KIAA1328: variants seen among roughly 807,000 people sequenced by gnomAD.
KIAA1328 encodes protein hinderin.
Under a neutral mutation model 68.1 loss-of-function variants are expected in KIAA1328, and 52 were observed. That is an observed-to-expected ratio of 0.76 (90% CI 0.61 to 0.96). KIAA1328 has a LOEUF of 0.96. Ranked by LOEUF, KIAA1328 falls within the 40% of genes least tolerant of loss-of-function variation. The pLI, the probability that KIAA1328 is intolerant of heterozygous loss-of-function variation, is 0.00. For synonymous variants in KIAA1328, 232 were observed against 239.4 expected (o/e 0.97, Z 0.28); for missense variants, 641 against 677.6 (o/e 0.95, Z 0.60).
At chr18:37,190,058 T>C (rs1193240015) in intron 9 of KIAA1328, among the ~76,000 whole-genome samples, 1 of 152,320 alleles carries the variant, frequency 6.6e-6, no homozygotes, top group East Asian at 1.9e-4. Context: ...GCAAAAACTC[T>C]TCCTTATGTT....
At chr18:36,972,084 G>T (rs1371573031) in intron 6 of KIAA1328, among the ~76,000 whole-genome samples, 2 of 152,104 alleles carry the variant, frequency 1.3e-5, no homozygotes, top group Admixed American at 6.5e-5. Context: ...TTAATCAGTG[G>T]AACAAAATTG....
chr18:36,956,772 A>G (rs1196206726), intron 5 of KIAA1328, among the ~76,000 whole-genome samples: 1 of 152,156 alleles, frequency 6.6e-6, no homozygotes, highest in Non-Finnish European at 1.5e-5. Flanking sequence ...CTACTATAAA[A>G]ATTACTGCCT....
intron 7 of KIAA1328, among the ~76,000 whole-genome samples, chr18:37,094,501 A>G (rs1191867215): frequency 6.6e-6 from 1 of 152,222 alleles, no homozygotes; most frequent in Non-Finnish European, 1.5e-5. Context: ...GGAGTTCTAC[A>G]TCTAGAAGTG....
intron 6 of KIAA1328, among the ~76,000 whole-genome samples, chr18:37,052,324 G>T (rs1257224949): frequency 6.6e-6 from 1 of 151,952 alleles, no homozygotes; most frequent in African/African-American, 2.4e-5. Context: ...AACAAACTAG[G>T]TGTTAAAGAA....
chr18:36,860,776 G>A (rs992887397), intron 4 of KIAA1328, among the ~76,000 whole-genome samples: 6 of 152,044 alleles, frequency 3.9e-5, no homozygotes, highest in South Asian at 2.1e-4. Context: ...ACTGCTAAGC[G>A]TTTTGGCAGA....
At chr18:37,112,189 G>A (rs969143907) in intron 7 of KIAA1328, among the ~76,000 whole-genome samples, 5 of 152,170 alleles carry the variant, frequency 3.3e-5, no homozygotes, top group African/African-American at 4.8e-5. Context: ...CTCCCAGCAC[G>A]GAGTTTGAGA....
At chr18:36,969,373 A>C (rs147972503) in intron 6 of KIAA1328, among the ~76,000 whole-genome samples, 1 of 152,278 alleles carries the variant, frequency 6.6e-6, no homozygotes, top group Non-Finnish European at 1.5e-5. Context: ...AAAATTAATA[A>C]GCTGGATAAA....
At chr18:37,082,670 G>A (rs541036884) in intron 7 of KIAA1328, among the ~76,000 whole-genome samples, 22 of 152,258 alleles carry the variant, frequency 1.4e-4, no homozygotes, top group Middle Eastern at 3.4e-3. Flanking sequence ...CATGACATTG[G>A]CATTTACTTA....
At chr18:37,164,979 C>T (rs1331605464) in intron 8 of KIAA1328, among the ~76,000 whole-genome samples, 1 of 152,104 alleles carries the variant, frequency 6.6e-6, no homozygotes, top group Non-Finnish European at 1.5e-5. Context: ...CTTTTCTAGT[C>T]AATCCTCCTG....
intron 6 of KIAA1328, among the ~76,000 whole-genome samples, chr18:37,025,658 T>A (rs75894292): frequency 5.9e-5 from 9 of 151,982 alleles, no homozygotes; most frequent in Admixed American, 2.0e-4. Context: ...AGAAATAAAG[T>A]TGTTCTTTGA....
At chr18:36,993,653 A>G (rs1288941639) in intron 6 of KIAA1328, among the ~76,000 whole-genome samples, 2 of 152,228 alleles carry the variant, frequency 1.3e-5, no homozygotes, top group Non-Finnish European at 2.9e-5. Flanking sequence ...ACATATAAAG[A>G]CATAACTATA....
chr18:37,123,823 T>TAC (rs748822304), intron 7 of KIAA1328, among the ~76,000 whole-genome samples: 6 of 152,156 alleles, frequency 3.9e-5, no homozygotes, highest in African/African-American at 1.4e-4. Flanking sequence ...TTATTTAAAA[T>TAC]ACACACACAC....
At chr18:37,188,527 G>A (rs1599548817) in intron 9 of KIAA1328, among the ~76,000 whole-genome samples, 1 of 152,200 alleles carries the variant, frequency 6.6e-6, no homozygotes, top group Non-Finnish European at 1.5e-5. Context: ...TGTGGCCAAT[G>A]GGAGAGTTAG....
chr18:37,028,340 G>A (rs886316187), intron 6 of KIAA1328, among the ~76,000 whole-genome samples: 4 of 152,098 alleles, frequency 2.6e-5, no homozygotes, highest in African/African-American at 9.7e-5. Flanking sequence ...CAGCTTGGAT[G>A]TTGTTGGTGA....
chr18:36,896,935 A>G (rs896864897), intron 5 of KIAA1328, among the ~76,000 whole-genome samples: 1 of 152,140 alleles, frequency 6.6e-6, no homozygotes, highest in Non-Finnish European at 1.5e-5. Context: ...TTGTCTTAGT[A>G]TTCTTAACCT....
intron 6 of KIAA1328, among the ~76,000 whole-genome samples, chr18:36,962,152 A>G (rs1197273969): frequency 6.6e-6 from 1 of 152,212 alleles, no homozygotes; most frequent in Non-Finnish European, 1.5e-5. Flanking sequence ...AACAACAACA[A>G]AAACCAGGGG....
At chr18:36,910,112 G>A (rs79801115) in intron 5 of KIAA1328, among the ~76,000 whole-genome samples, 1 of 152,138 alleles carries the variant, frequency 6.6e-6, no homozygotes, top group Non-Finnish European at 1.5e-5. Flanking sequence ...CTGTGCAGAA[G>A]CTCCTTAGTT....
intron 5 of KIAA1328, among the ~76,000 whole-genome samples, chr18:36,950,785 T>C (rs1164263408): frequency 1.3e-5 from 2 of 152,198 alleles, no homozygotes; most frequent in African/African-American, 4.8e-5. Flanking sequence ...CTGTGAGTAA[T>C]GGATTGCTTT....
At chr18:36,956,756 G>A (rs1187949252) in intron 5 of KIAA1328, among the ~76,000 whole-genome samples, 1 of 152,076 alleles carries the variant, frequency 6.6e-6, no homozygotes, top group Non-Finnish European at 1.5e-5. Flanking sequence ...AGACTAATAT[G>A]TTCACCTACT....
Sources: allele counts gnomAD v4.1 joint callset (sites outside exome capture counted in the v4.1 genomes callset), GRCh38; gene constraint gnomAD v4.1.1; transcripts MANE v1.5; gene names NCBI Gene and HGNC (gene_info 2026-07-23, HGNC 2026-07-21).